Variants in MAP3K9 observed in about 807,000 individuals in gnomAD.
MAP3K9 encodes the protein mixed lineage kinase 1 (tyr and ser/thr specificity).
A neutral mutation model predicts 95.8 loss-of-function variants in MAP3K9; 46 were observed. The ratio of observed to expected loss-of-function variants is 0.48; its 90% confidence interval spans 0.38 to 0.61. The LOEUF (loss-of-function observed/expected upper bound fraction) is 0.61. Ranked by LOEUF, MAP3K9 falls within the 20% of genes least tolerant of loss-of-function variation. The pLI is 0.00. For missense variants in MAP3K9, 1,296 were observed against 1,474.3 expected (o/e 0.88, Z 1.98); for synonymous variants, 533 against 593.8 (o/e 0.90, Z 1.49).
chr14:70,769,563 G>A (rs2054503328), intron 2 of MAP3K9, among the ~76,000 whole-genome samples: 1 of 152,182 alleles, frequency 6.6e-6, no homozygotes, highest in African/African-American at 2.4e-5. Flanking sequence ...AGTTCTGGAG[G>A]TTAGAAGTCC....
intron 7 of MAP3K9, 24 bp from the exon 8 acceptor site, chr14:70,738,422 G>T: frequency 6.2e-7 from 1 of 1,610,714 alleles, no homozygotes; most frequent in Non-Finnish European, 8.5e-7. Context: ...GGGTTGGATA[G>T]GATCTAGAAA....
intron 2 of MAP3K9, among the ~76,000 whole-genome samples, chr14:70,791,494 A>C (rs1313547050): frequency 6.6e-6 from 1 of 152,226 alleles, no homozygotes; most frequent in East Asian, 1.9e-4. Flanking sequence ...AAAGAGATCC[A>C]TTCCCCTTAC....
intron 3 of MAP3K9, among the ~76,000 whole-genome samples, chr14:70,756,160 G>C (rs1043568189): frequency 2.0e-5 from 3 of 152,156 alleles, no homozygotes; most frequent in African/African-American, 7.2e-5. Flanking sequence ...GTCTTTCCCT[G>C]TCTACAATTT....
Position 70,760,141 on chromosome 14 carries a change from GCACACA to G in MAP3K9, c.1001+855_1001+860del, listed in dbSNP as rs60112409. 2.9e-3 allele frequency among the ~76,000 whole-genome samples: 426 copies of G among 147,806 alleles called. 2 individuals carry two copies. Among genetic ancestry groups the G allele is most frequent in the South Asian group, 0.017 (81 of 4,642 alleles). On this transcript the variant is annotated intron_variant, in intron 3 of 11. Coordinates refer to ENST00000554752, the MANE Select transcript of MAP3K9 (RefSeq NM_001284230.2). ...TAAAGCTATTATTTAAAATAAACGT[GCACACA>G]CACACACACACACACACACACACAC... is the stretch of plus-strand genomic sequence containing the variant.
chr14:70,761,619 C>G (rs1566747248), intron 2 of MAP3K9, among the ~76,000 whole-genome samples: 2 of 152,180 alleles, frequency 1.3e-5, no homozygotes, highest in Non-Finnish European at 2.9e-5. Flanking sequence ...AAAAAATTAG[C>G]TAGGTGTGGT....
chr14:70,737,119 T>A (rs1348520176), intron 8 of MAP3K9, among the ~76,000 whole-genome samples: 1 of 152,118 alleles, frequency 6.6e-6, no homozygotes, highest in African/African-American at 2.4e-5. Flanking sequence ...AATAGAAACA[T>A]CAAGAAACAC....
intron 3 of MAP3K9, among the ~76,000 whole-genome samples, chr14:70,758,203 T>G (rs1181742822): frequency 6.6e-6 from 1 of 152,224 alleles, no homozygotes; most frequent in East Asian, 1.9e-4. Context: ...ACAAATACTC[T>G]AATTTTTAAA....
intron 8 of MAP3K9, among the ~76,000 whole-genome samples, chr14:70,736,520 C>T (rs1456280983): frequency 6.6e-6 from 1 of 152,018 alleles, no homozygotes; most frequent in African/African-American, 2.4e-5. Flanking sequence ...TCAATAGGAA[C>T]TAAGACTCAT....
chr14:70,785,384 T>G, intron 2 of MAP3K9, among the ~76,000 whole-genome samples: 1 of 152,210 alleles, frequency 6.6e-6, no homozygotes, highest in East Asian at 1.9e-4. Flanking sequence ...CATTCATACC[T>G]ATGATAAAGT....
intron 2 of MAP3K9, chr14:70,765,534 A>G: frequency 1.5e-6 from 1 of 648,306 alleles, no homozygotes; most frequent in East Asian, 2.8e-5. Context: ...TTTTTACTGT[A>G]CCTTTTCTAC....
At chr14:70,796,046 C>A (rs764227257) in intron 2 of MAP3K9, among the ~76,000 whole-genome samples, 1 of 152,228 alleles carries the variant, frequency 6.6e-6, no homozygotes, top group African/African-American at 2.4e-5. Context: ...TGAGCCACCA[C>A]ACCTGGCCAC....
At chr14:70,742,938 G>T (rs1172294143) in intron 5 of MAP3K9, among the ~76,000 whole-genome samples, 4 of 131,994 alleles carry the variant, frequency 3.0e-5, no homozygotes, top group African/African-American at 1.1e-4. Context: ...TATATATATA[G>T]GTTTGAATAG....
At chr14:70,807,262 G>A (rs748827865) in intron 1 of MAP3K9, among the ~76,000 whole-genome samples, 11 of 152,210 alleles carry the variant, frequency 7.2e-5, no homozygotes, top group African/African-American at 2.4e-4. Context: ...AGGCCGAGGC[G>A]TGCGGATCAC....
At position 70,730,459 on chromosome 14, in the gene MAP3K9, C is replaced by T. The variant is rs761721768; in HGVS notation, c.3236G>A (p.Ser1079Asn). Reference protein sequence around the residue: ...DLDAEGQSQDSTVPLCRAELN... With the variant: ...DLDAEGQSQDNTVPLCRAELN... The stretch of plus-strand genomic sequence containing the variant: ...TTCCGCTCTGCACAGCGGCACGGTG[C>T]TGTCCTGACTCTGCCCCTCTGCATC... Residue 1079 changes from serine to asparagine, a missense_variant, in exon 12 of 12, where the codon AGC becomes AAC. Ser to Asn is a conservative substitution (Grantham distance 46). Around this residue, in one of 5 missense-constraint regions of MAP3K9, gnomAD observed 433 missense variants for 441.4 expected, o/e 0.98. Coordinates refer to ENST00000554752, the MANE Select transcript of MAP3K9 (RefSeq NM_001284230.2). 9 of 1,614,192 alleles carry T rather than the reference C, an allele frequency of 5.6e-6. No homozygotes were observed. The highest frequency in any genetic ancestry group is 5.0e-5 in the Admixed American group (3 of 60,032).
intron 1 of MAP3K9, among the ~76,000 whole-genome samples, chr14:70,801,588 G>A (rs534560815): frequency 4.5e-4 from 69 of 152,278 alleles, no homozygotes; most frequent in African/African-American, 1.6e-3. Flanking sequence ...GCTTTACTGT[G>A]TACTCAGTGG....
intron 2 of MAP3K9, among the ~76,000 whole-genome samples, chr14:70,779,801 C>T (rs1381312515): frequency 3.9e-5 from 6 of 152,228 alleles, no homozygotes; most frequent in Admixed American, 1.3e-4. Context: ...TCCTTGCCAA[C>T]GCGGCTCAGT....
At chr14:70,769,306 G>A (rs561706840) in intron 2 of MAP3K9, among the ~76,000 whole-genome samples, 4 of 152,296 alleles carry the variant, frequency 2.6e-5, no homozygotes, top group Admixed American at 2.6e-4. Flanking sequence ...GAAGTTCCAT[G>A]TGTCTCTCTC....
Position 70,808,836 on chromosome 14 carries a change from G to T in MAP3K9, c.336C>A (p.Thr112=). Residue 112 remains threonine (T), a synonymous_variant, in exon 1 of 12, where the codon ACC becomes ACA. Transcript: ENST00000554752. ...AGCGGCTGGAGAAGGCGCTGCGCGG[G>T]GTCACGTAGTTGCTGGGGAAGATGC... is the stretch of plus-strand genomic sequence containing the variant. ...RVGIFPSNYV[T]PRSAFSSRCQ... The T allele has an allele frequency of 6.3e-7, 1 of 1,598,014 alleles. No individual in the cohort carries two copies. Among genetic ancestry groups the T allele is most frequent in the Non-Finnish European group, 8.5e-7 (1 of 1,174,948 alleles).
rs2054204712 is a variant in MAP3K9, at chr14:70,750,141, T to C, written c.1002-60A>G. 14 of 1,393,392 alleles carry C rather than the reference T, an allele frequency of 1.0e-5. No individual in the cohort carries two copies. The South Asian group carries it at 1.4e-4, about 14-fold the overall frequency. The allele number at this position is 1,393,392 out of a possible 1,614,324, so 86.3% of individuals were successfully genotyped here. ...AACTTCAGGTACAACTTCACTGCAA[T>C]AGCTCGAGTCTTTTCTGAGCATCCC... On this transcript the variant is annotated intron_variant, in intron 3 of 11. Coordinates refer to ENST00000554752, the MANE Select transcript of MAP3K9 (RefSeq NM_001284230.2).
Sources: allele counts gnomAD v4.1 joint callset (sites outside exome capture counted in the v4.1 genomes callset), GRCh38; gene constraint gnomAD v4.1.1; regional missense constraint gnomAD v4.1.1; transcripts MANE v1.5; gene names NCBI Gene and HGNC (gene_info 2026-07-23, HGNC 2026-07-21).